TRIM37: variants seen among roughly 807,000 people sequenced by gnomAD.
TRIM37 encodes the protein tripartite motif containing 37, also known as E3 ubiquitin-protein ligase TRIM37.
A neutral mutation model predicts 129.8 loss-of-function variants in TRIM37; 80 were observed. That is an observed-to-expected ratio of 0.62 (90% CI 0.51 to 0.74). TRIM37 has a LOEUF of 0.74. TRIM37 is among the 30% of genes least tolerant of loss of function. TRIM37 has a pLI of 0.00. For synonymous variants in TRIM37, 389 were observed against 387.1 expected (o/e 1.00, Z -0.06); for missense variants, 1,054 against 1,176.5 (o/e 0.90, Z 1.52).
At chr17:59,052,144 A>G (rs1777655568) in intron 13 of TRIM37, among the ~76,000 whole-genome samples, 1 of 152,012 alleles carries the variant, frequency 6.6e-6, no homozygotes, top group South Asian at 2.1e-4. Context: ...GAAAAAAAGT[A>G]CTGCACCTAC....
intron 6 of TRIM37, among the ~76,000 whole-genome samples, chr17:59,080,469 T>C (rs1349230052): frequency 6.6e-6 from 1 of 152,190 alleles, no homozygotes; most frequent in African/African-American, 2.4e-5. Flanking sequence ...AATGAATGAC[T>C]GTAAAAGTCA....
intron 5 of TRIM37, among the ~76,000 whole-genome samples, chr17:59,081,829 C>A (rs575517926): frequency 6.0e-4 from 90 of 150,736 alleles, no homozygotes; most frequent in Middle Eastern, 6.8e-3. Flanking sequence ...ATTGCTTGAA[C>A]CCGGGAGGCA....
intron 7 of TRIM37, 135 bp from the exon 8 acceptor site, chr17:59,075,849 A>G: frequency 1.4e-6 from 1 of 691,240 alleles, no homozygotes; most frequent in Non-Finnish European, 2.5e-6. Context: ...GCTACCCTAA[A>G]AATTCTCATT....
Position 58,999,352 on chromosome 17 carries a change from C to G in TRIM37, c.*25G>C. On this transcript the variant is annotated 3_prime_UTR_variant, in exon 24 of 24. Transcript: ENST00000262294. ...CAAAATTCAGGGTCAAGGTAGCTTG[C>G]AAGTCAGTTCTCTTGATTTGGCAAT... 1 of 1,613,760 alleles carries G rather than the reference C, an allele frequency of 6.2e-7. No individual in the cohort carries two copies. The highest frequency in any genetic ancestry group is 8.5e-7 in the Non-Finnish European group (1 of 1,179,830).
At chr17:58,977,713 T>TCA (rs2031100038), downstream of TRIM37, among the ~76,000 whole-genome samples, 1 of 152,184 alleles carries the variant, frequency 6.6e-6, no homozygotes, top group African/African-American at 2.4e-5. Flanking sequence ...TTCTAGCCTA[T>TCA]TTGAGGATTA....
intron 2 of TRIM37, 54 bp downstream of exon 2, chr17:59,104,239 C>T (rs1371968379): frequency 4.0e-6 from 6 of 1,506,750 alleles, no homozygotes; most frequent in Non-Finnish European, 5.5e-6. Context: ...AATGGTTAAT[C>T]CTTACAATAT....
chr17:58,971,370 C>T, the TRIM37 span, among the ~76,000 whole-genome samples: 1 of 152,102 alleles, frequency 6.6e-6, no homozygotes, highest in African/African-American at 2.4e-5. Flanking sequence ...TAATTTAGGC[C>T]AGGTCCTTAG....
chr17:59,058,897 T>C (rs2041219797), intron 12 of TRIM37, among the ~76,000 whole-genome samples: 2 of 152,156 alleles, frequency 1.3e-5, no homozygotes, highest in African/African-American at 4.8e-5. Context: ...GGAAAGCCAA[T>C]ATATTCTAAT....
intron 16 of TRIM37, among the ~76,000 whole-genome samples, chr17:59,045,761 T>C (rs899017894): frequency 2.0e-5 from 3 of 151,872 alleles, no homozygotes; most frequent in Admixed American, 1.3e-4. Context: ...ACACCTGTAA[T>C]CCTAGCACTT....
At chr17:59,036,644 A>G (rs1025305798) in intron 17 of TRIM37, among the ~76,000 whole-genome samples, 37 of 152,142 alleles carry the variant, frequency 2.4e-4, no homozygotes, top group African/African-American at 8.2e-4. Context: ...GTCAATAAAT[A>G]TTTCTTGTTT....
intron 2 of TRIM37, among the ~76,000 whole-genome samples, chr17:59,101,695 T>C (rs11657013): frequency 0.018 from 1,632 of 89,480 alleles, 24 homozygotes; most frequent in East Asian, 0.086. Context: ...TATATATATA[T>C]ACACACACAC....
chr17:59,098,023 C>G (rs1035122225), intron 2 of TRIM37, among the ~76,000 whole-genome samples: 5 of 152,186 alleles, frequency 3.3e-5, no homozygotes, highest in Admixed American at 2.0e-4. Context: ...AGGACTCACA[C>G]TTCCTAATTT....
chr17:59,036,345 TA>T (rs1039096122), intron 17 of TRIM37, among the ~76,000 whole-genome samples: 4 of 152,154 alleles, frequency 2.6e-5, no homozygotes, highest in East Asian at 1.9e-4. Flanking sequence ...CAATTTATGT[TA>T]AAAAAAATTT....
At chr17:59,003,058 G>A (rs1352187298) in intron 22 of TRIM37, among the ~76,000 whole-genome samples, 1 of 152,108 alleles carries the variant, frequency 6.6e-6, no homozygotes, top group East Asian at 1.9e-4. Flanking sequence ...TAATTTGTTA[G>A]TAGACATGGG....
chr17:59,049,384 T>A lies in TRIM37; in HGVS notation c.1324A>T (p.Ile442Phe), dbSNP rs770588952. Residue 442 changes from isoleucine to phenylalanine, a missense_variant, in exon 15 of 24, where the codon ATT (isoleucine) becomes TTT (phenylalanine). Ile to Phe is a conservative substitution (Grantham distance 21). Coordinates refer to ENST00000262294, the MANE Select transcript of TRIM37 (RefSeq NM_015294.6). ...GACTTCTGAGTTCGAGACAGCTCAA[T>A]AGTAAGTCTCTTTTAAAACAAGAAA... ...QINNLKERLT[I>F]ELSRTQKSRD... is the part of the protein sequence containing the mutation. 1.9e-6 allele frequency: 3 copies of A among 1,613,964 alleles called. No individual in the cohort carries two copies. The highest frequency in any genetic ancestry group is 3.3e-5 in the Admixed American group (2 of 60,026).
Position 59,082,638 on chromosome 17 carries a change from C to T in TRIM37, c.369+1364G>A, listed in dbSNP as rs189681949. ...TTAGCCTCACAAATCCAGTTGCATTCAGCTCAAAGAACAATTTTTATAGCT... is the reference window on the plus strand; with the variant it reads ...TTAGCCTCACAAATCCAGTTGCATTTAGCTCAAAGAACAATTTTTATAGCT... On this transcript the variant is annotated intron_variant, in intron 5 of 23. Transcript: ENST00000262294. Among the ~76,000 whole-genome samples the T allele has an allele frequency of 1.2e-4, 19 of 152,254 alleles. No homozygotes were observed. In the East Asian group the frequency reaches 3.7e-3, roughly 29 times the overall value.
intron 8 of TRIM37, among the ~76,000 whole-genome samples, chr17:59,075,044 T>C (rs559087132): frequency 6.6e-6 from 1 of 152,302 alleles, no homozygotes; most frequent in South Asian, 2.1e-4. Context: ...ACCACTTAAG[T>C]CACAGTGTGG....
At chr17:59,076,433 C>G (rs1236158319) in intron 7 of TRIM37, among the ~76,000 whole-genome samples, 6 of 152,190 alleles carry the variant, frequency 3.9e-5, no homozygotes, top group African/African-American at 1.4e-4. Context: ...CCAATTTACT[C>G]AAGAGGCTGA....
At chr17:59,022,381 A>C (rs1322065914) in intron 19 of TRIM37, among the ~76,000 whole-genome samples, 1 of 152,266 alleles carries the variant, frequency 6.6e-6, no homozygotes, top group Admixed American at 6.5e-5. Context: ...TCATTTTGAC[A>C]AATGTCAAAA....
Sources: allele counts gnomAD v4.1 joint callset (sites outside exome capture counted in the v4.1 genomes callset), GRCh38; gene constraint gnomAD v4.1.1; transcripts MANE v1.5; gene names NCBI Gene and HGNC (gene_info 2026-07-23, HGNC 2026-07-21).